CCDC13: variants seen among roughly 807,000 people sequenced by gnomAD.
CCDC13 encodes the protein coiled-coil domain containing 13, also known as coiled-coil domain-containing protein 13.
A neutral mutation model predicts 87.3 loss-of-function variants in CCDC13; 70 were observed. The observed-to-expected ratio is 0.80, with a 90% confidence interval of 0.66 to 0.98. CCDC13 has a LOEUF of 0.98. Ranked by LOEUF, CCDC13 falls within the 50% of genes least tolerant of loss-of-function variation. CCDC13 has a pLI of 0.00. For synonymous variants in CCDC13, 317 were observed against 360.3 expected, an observed-to-expected ratio of 0.88 and a Z score of 1.36; for missense variants, 842 against 892.0, an observed-to-expected ratio of 0.94 and a Z score of 0.71.
intron 13 of CCDC13, among the ~76,000 whole-genome samples, chr3:42,728,429 G>T (rs1468341904): frequency 6.8e-6 from 1 of 147,780 alleles, no homozygotes; most frequent in African/African-American, 2.5e-5. Flanking sequence ...GACAGACTCT[G>T]CAGATAAAGA....
chr3:42,758,473 G>A (rs1036715016), intron 1 of CCDC13, 122 bp from the exon 2 acceptor site: 8 of 898,424 alleles, frequency 8.9e-6, no homozygotes, highest in East Asian at 2.6e-5. Flanking sequence ...GTATGTCCAC[G>A]CAGAAGCTTG....
intron 5 of CCDC13, among the ~76,000 whole-genome samples, chr3:42,749,047 C>T (rs1699497729): frequency 6.6e-6 from 1 of 152,190 alleles, no homozygotes; most frequent in African/African-American, 2.4e-5. Flanking sequence ...ATGTGAGCCA[C>T]CGTGCCCGGC....
In CCDC13 at chr3:42,717,461, C is replaced by T. The variant is rs571875322; in HGVS notation, c.1719-4145G>A. 2.7e-5 allele frequency among the ~76,000 whole-genome samples: 4 copies of T among 150,042 alleles called. No individual in the cohort carries two copies. The East Asian group carries it at 5.8e-4, about 22-fold the overall frequency. On this transcript the variant is annotated intron_variant, in intron 13 of 15. Coordinates refer to ENST00000310232, the MANE Select transcript of CCDC13 (RefSeq NM_144719.4). Reference sequence around the variant, plus strand: ...AAATAAGTAAAGAGGTTACTAGATGCTGGGCTTAGTGGGTGGCGTATGAGG... The same window carrying T: ...AAATAAGTAAAGAGGTTACTAGATGTTGGGCTTAGTGGGTGGCGTATGAGG...
intron 1 of CCDC13, among the ~76,000 whole-genome samples, chr3:42,764,161 G>T (rs748961879): frequency 1.3e-5 from 2 of 152,200 alleles, no homozygotes; most frequent in Non-Finnish European, 2.9e-5. Flanking sequence ...GCTTCAGAGA[G>T]AATAGATTGT....
At chr3:42,728,574 A>C (rs1698745913) in intron 13 of CCDC13, among the ~76,000 whole-genome samples, 1 of 152,218 alleles carries the variant, frequency 6.6e-6, no homozygotes, top group African/African-American at 2.4e-5. Flanking sequence ...TTTTGAAAGG[A>C]ATCATCATTT....
intron 13 of CCDC13, among the ~76,000 whole-genome samples, chr3:42,729,137 G>A (rs1341546839): frequency 6.6e-6 from 1 of 152,194 alleles, no homozygotes; most frequent in African/African-American, 2.4e-5. Flanking sequence ...GAAGCCACTA[G>A]GTTTGGGATG....
rs887319411 is a variant in CCDC13 at position 42,763,059 on chromosome 3, C to T, written c.-6-4708G>A. Among the ~76,000 whole-genome samples the T allele has an allele frequency of 2.0e-5, 3 of 152,180 alleles. No individual in the cohort carries two copies. The South Asian group carries it at 6.2e-4, about 32-fold the overall frequency. ...GAACCAGAACAGATTCAGAGTGACTCCAGGGCTGCCACCTAGTCGAAAAAG... is the reference window on the plus strand; with the variant it reads ...GAACCAGAACAGATTCAGAGTGACTTCAGGGCTGCCACCTAGTCGAAAAAG... On this transcript the variant is annotated intron_variant, in intron 1 of 15. Transcript: ENST00000310232.
At chr3:42,712,034 C>T (rs756355439) in intron 14 of CCDC13, among the ~76,000 whole-genome samples, 6 of 152,072 alleles carry the variant, frequency 3.9e-5, no homozygotes, top group South Asian at 2.1e-4. Flanking sequence ...CCTTCCTTCC[C>T]GGCCTGGATT....
chr3:42,730,481 A>C lies in CCDC13; in HGVS notation c.1704T>G (p.Thr568=). The C allele has an allele frequency of 6.2e-7, 1 of 1,613,992 alleles. No homozygotes were observed. The highest frequency in any genetic ancestry group is 8.5e-7 in the Non-Finnish European group (1 of 1,179,860). Residue 568 remains threonine (T), a synonymous_variant, in exon 13 of 16, where the codon ACT becomes ACG. Transcript: ENST00000310232. ...CCATGTGTTACCGTTTCTGCAGGAC[A>C]GTGACAAACTCGGTGAGCCGGTCAC... ...VERDRLTEFV[T]VLQKRVEESN...
intron 8 of CCDC13, among the ~76,000 whole-genome samples, chr3:42,741,593 C>T (rs1053013244): frequency 3.9e-5 from 6 of 152,096 alleles, no homozygotes; most frequent in Non-Finnish European, 8.8e-5. Flanking sequence ...AAAAATTAGC[C>T]GGGCATGGTG....
chr3:42,716,924 T>G (rs1159026857), intron 13 of CCDC13, among the ~76,000 whole-genome samples: 1 of 152,198 alleles, frequency 6.6e-6, no homozygotes, highest in Non-Finnish European at 1.5e-5. Context: ...AATCCAAGTG[T>G]CCATCAACAG....
At position 42,713,289 on chromosome 3, in the gene CCDC13, C is replaced by T; in HGVS notation, c.1746G>A (p.Leu582=). Residue 582 remains leucine, a synonymous_variant, in exon 14 of 16, where the codon CTG becomes CTA. Transcript: ENST00000310232. The stretch of plus-strand genomic sequence containing the variant: ...CCTCCTGCAGCTTCCTCTCTGACTC[C>T]AGGAGCTTGCTGTTGCTCTCCTCCA... ...KRVEESNSKL[L]ESERKLQEER... The T allele has an allele frequency of 1.9e-6, 3 of 1,614,124 alleles. No homozygotes were observed. Among genetic ancestry groups the T allele is most frequent in the Non-Finnish European group, 2.5e-6 (3 of 1,180,000 alleles).
chr3:42,713,154 GC>G lies in CCDC13; in HGVS notation c.1873+7del. Reference sequence around the variant, plus strand: ...CCCCTGCACTGAGACTACTGCCCTGGCCCCTACCTGTTTTGGTCCTGGGAGC... The same window carrying G: ...CCCCTGCACTGAGACTACTGCCCTGGCCCTACCTGTTTTGGTCCTGGGAGC... On this transcript the variant is annotated splice_region_variant and intron_variant, in intron 14 of 15. Transcript: ENST00000310232. 3.1e-6 allele frequency: 5 copies of G among 1,613,240 alleles called. No homozygotes were observed. Among genetic ancestry groups the G allele is most frequent in the Non-Finnish European group, 4.2e-6 (5 of 1,179,586 alleles).
At chr3:42,771,055 A>G (rs1700078827) in intron 1 of CCDC13, 1 of 152,232 alleles carries the variant, frequency 6.6e-6, no homozygotes, top group Admixed American at 6.5e-5. Context: ...AAAATGAGAA[A>G]AAAACAAGAT....
At chr3:42,735,174 G>A (rs935011975) in intron 10 of CCDC13, among the ~76,000 whole-genome samples, 2 of 152,234 alleles carry the variant, frequency 1.3e-5, no homozygotes, top group African/African-American at 4.8e-5. Context: ...CGGCCAGACC[G>A]AGGCCGTGGG....
At chr3:42,745,384 G>A (rs1240778285) in intron 7 of CCDC13, 1 of 153,498 alleles carries the variant, frequency 6.5e-6, no homozygotes, top group African/African-American at 2.4e-5. Context: ...GAGGCACAGA[G>A]CTAAAGGAAC....
At chr3:42,753,322 C>G (rs1261403437) in intron 3 of CCDC13, among the ~76,000 whole-genome samples, 2 of 152,214 alleles carry the variant, frequency 1.3e-5, no homozygotes, top group African/African-American at 4.8e-5. Flanking sequence ...CGGCCAATCC[C>G]CAACCAACCC....
intron 1 of CCDC13, chr3:42,770,921 T>G (rs538351511): frequency 1.3e-5 from 2 of 151,900 alleles, no homozygotes; most frequent in African/African-American, 2.4e-5. Flanking sequence ...AGAAACAAAC[T>G]CCAGACACGC....
chr3:42,744,067 T>C (rs1416847299), intron 7 of CCDC13, among the ~76,000 whole-genome samples: 1 of 152,194 alleles, frequency 6.6e-6, no homozygotes, highest in African/African-American at 2.4e-5. Context: ...GACTGAAATC[T>C]TGGTGCTTAC....
Sources: gnomAD v4.1 joint callset for allele counts (sites outside exome capture counted in the v4.1 genomes callset) on GRCh38, gnomAD v4.1.1 for gene constraint, MANE v1.5 for transcripts, NCBI Gene and HGNC (gene_info 2026-07-23, HGNC 2026-07-21) for gene names.